Variants in SYTL1 observed in about 807,000 individuals in gnomAD.
SYTL1 encodes synaptotagmin-like protein 1.
SYTL1 carries 53 observed loss-of-function variants against 74.6 expected under a neutral mutation model. That is an observed-to-expected ratio of 0.71 (90% CI 0.57 to 0.89). The LOEUF is 0.89. Among genes scored for constraint, SYTL1 ranks in the 40% least tolerant of loss-of-function variants. SYTL1 has a pLI of 0.00. For synonymous variants in SYTL1, 329 were observed against 324.9 expected (o/e 1.01, Z -0.14); for missense variants, 728 against 768.7 (o/e 0.95, Z 0.63).
rs767757390 is a variant in SYTL1, at chr1:27,350,392, C to T, written c.912C>T (p.Tyr304=). 21 of 1,613,812 alleles carry T rather than the reference C, an allele frequency of 1.3e-5. No homozygotes were observed. The Admixed American group carries it at 3.2e-4, about 24-fold the overall frequency. The change falls in exon 10 of 15, where the codon TAC becomes TAT. Residue 304 remains tyrosine (Y), a synonymous_variant. Coordinates refer to ENST00000616558, the MANE Select transcript of SYTL1 (RefSeq NM_001193308.2). This position sits in a 1 kb window ranked among gnomAD's most constrained non-coding sequence, Gnocchi z 6.3. The part of the protein sequence containing the change: ...AAARRRRSDP[Y]VKSYLLPDKQ... ...CCTCGGGTTCTCACCTCCCCAGCTA[C>T]GTCAAAAGCTACCTCCTCCCGGATA...
intron 6 of SYTL1, 121 bp from the exon 7 acceptor site, chr1:27,349,277 C>A: frequency 6.8e-7 from 1 of 1,475,682 alleles, no homozygotes; most frequent in Non-Finnish European, 9.1e-7. Flanking sequence ...GAGGTGGGGA[C>A]GATCCCAGGG....
Position 27,345,977 on chromosome 1 carries a change from C to T in SYTL1, c.191+452C>T, listed in dbSNP as rs749218166. ...TGTATTTTTAGTAGAGATGGGTTTT[C>T]GCCATGTTGGCCAAGCTGGTCTTGA... is the stretch of plus-strand genomic sequence containing the variant. On this transcript the variant is annotated intron_variant, in intron 2 of 14. Coordinates refer to ENST00000616558, the MANE Select transcript of SYTL1 (RefSeq NM_001193308.2). This position sits in a 1 kb window ranked among gnomAD's most constrained non-coding sequence, Gnocchi z 6.0. Among the ~76,000 whole-genome samples, 10 of 152,136 alleles carry T rather than the reference C, an allele frequency of 6.6e-5. No homozygotes were observed. Among genetic ancestry groups the T allele is most frequent in the South Asian group, 2.1e-4 (1 of 4,822 alleles).
In SYTL1 at chr1:27,353,853, C is replaced by T; in HGVS notation, c.*1C>T. ...AACCAACCTGGCCCCCAGGACGTAG[C>T]CCCACCAAGCCTCTCTCTCTGGACC... On this transcript the variant is annotated 3_prime_UTR_variant, in exon 15 of 15. Coordinates refer to ENST00000616558, the MANE Select transcript of SYTL1 (RefSeq NM_001193308.2). The T allele has an allele frequency of 6.2e-7, 1 of 1,611,600 alleles. No homozygotes were observed. Among genetic ancestry groups the T allele is most frequent in the Non-Finnish European group, 8.5e-7 (1 of 1,178,116 alleles).
rs1016584312 is a variant in SYTL1, at chr1:27,350,921, C to T, written c.1133C>T (p.Ser378Phe). The stretch of plus-strand genomic sequence containing the variant: ...CCCCTGGACACGTGGGACTGGGGCT[C>T]TGAGCCCACCTGGCTCCCCCTGCAG... ...EVPLDTWDWGSEPTWLPLQPR... is the reference protein window; with the variant it reads ...EVPLDTWDWGFEPTWLPLQPR... The change falls in exon 11 of 15, where the codon TCT becomes TTT. Residue 378 changes from serine (S) to phenylalanine (F), a missense_variant. Ser to Phe is a radical substitution (Grantham distance 155, BLOSUM62 -2). Transcript: ENST00000616558. The surrounding 1 kb of genome is among the most constrained non-coding windows in gnomAD (Gnocchi z 6.3). The T allele has an allele frequency of 3.7e-6, 6 of 1,613,304 alleles. No homozygotes were observed. In the African/African-American group the frequency reaches 6.7e-5, roughly 18 times the overall value.
chr1:27,351,062 CA>C lies in SYTL1; in HGVS notation c.1164+112del. On this transcript the variant is annotated intron_variant, in intron 11 of 14. Coordinates refer to ENST00000616558, the MANE Select transcript of SYTL1 (RefSeq NM_001193308.2). The surrounding 1 kb of genome is among the most constrained non-coding windows in gnomAD (Gnocchi z 5.0). ...CCCCGCCTTCGACAGAACCTCCCCT[CA>C]ACCTCTTAACCTCATGGCCCCAGGC... 1 of 1,409,522 alleles carries C rather than the reference CA, an allele frequency of 7.1e-7. No homozygotes were observed. The highest frequency in any genetic ancestry group is 9.7e-7 in the Non-Finnish European group (1 of 1,035,762). The allele number at this position is 1,409,522 out of a possible 1,614,324, so 87.3% of individuals were successfully genotyped here. A position where few individuals can be genotyped will look rare whatever the true frequency, so the allele number is the denominator to read the frequency against.
chr1:27,345,026 G>A lies in SYTL1; in HGVS notation c.-38-271G>A, dbSNP rs1557536955. The A allele has an allele frequency of 1.8e-5, 4 of 228,306 alleles. No homozygotes were observed. The highest frequency in any genetic ancestry group is 3.4e-5 in the Non-Finnish European group (4 of 117,260). The allele number at this position is 228,306 out of a possible 1,614,324, so 14.1% of individuals were successfully genotyped here. On this transcript the variant is annotated intron_variant, in intron 1 of 14. Coordinates refer to ENST00000616558, the MANE Select transcript of SYTL1 (RefSeq NM_001193308.2). This position sits in a 1 kb window ranked among gnomAD's most constrained non-coding sequence, Gnocchi z 6.0. ...TACATGGACCCGCGTGTGCACATGT[G>A]TCTGTGTGTTCCATCGCTGCAGTCC...
In SYTL1 at chr1:27,351,205, C is replaced by G. The variant is rs948686707; in HGVS notation, c.1165-53C>G. ...CATCCGGGTCTGCAGACCCCACCCT[C>G]CTGAGGCCCCTTTCCATTAGCCCCT... is the stretch of plus-strand genomic sequence containing the variant. On this transcript the variant is annotated intron_variant, in intron 11 of 14. Coordinates refer to ENST00000616558, the MANE Select transcript of SYTL1 (RefSeq NM_001193308.2). This position sits in a 1 kb window ranked among gnomAD's most constrained non-coding sequence, Gnocchi z 5.0. 3.2e-6 allele frequency: 5 copies of G among 1,542,014 alleles called. No individual in the cohort carries two copies.
chr1:27,350,092 T>A lies in SYTL1; in HGVS notation c.868T>A (p.Cys290Ser). 2.1e-6 allele frequency: 3 copies of A among 1,432,590 alleles called. No individual in the cohort carries two copies. The highest frequency in any genetic ancestry group is 2.7e-6 in the Non-Finnish European group (3 of 1,099,932). The allele number at this position is 1,432,590 out of a possible 1,614,324, so 88.7% of individuals were successfully genotyped here. A position where few individuals can be genotyped will look rare whatever the true frequency, so the allele number is the denominator to read the frequency against. ...CGAGCTGCGCGTGCACGTGATCCAG[T>A]GCCAGGGCCTGGCCGCCGCCCGGCG... Reference protein sequence around the residue: ...AAELRVHVIQCQGLAAARRRR... With the variant: ...AAELRVHVIQSQGLAAARRRR... The change falls in exon 9 of 15, where the codon TGC becomes AGC. Residue 290 changes from cysteine to serine, a missense_variant. Physicochemically the swap from Cys to Ser is moderately radical, Grantham distance 112. Transcript: ENST00000616558. This position sits in a 1 kb window ranked among gnomAD's most constrained non-coding sequence, Gnocchi z 6.3.
At position 27,342,865 on chromosome 1, in the gene SYTL1, A is replaced by G. The variant is rs2014833376; in HGVS notation, c.-39+715A>G. On this transcript the variant is annotated intron_variant, in intron 1 of 14. Coordinates refer to ENST00000616558, the MANE Select transcript of SYTL1 (RefSeq NM_001193308.2). This position sits in a 1 kb window ranked among gnomAD's most constrained non-coding sequence, Gnocchi z 4.7. ...CAGGGGAGGCCGAACGTGGGCTCAC[A>G]CCCCAATCCACAGGGGAGGCCGAAC... 6.6e-6 allele frequency among the ~76,000 whole-genome samples: 1 copy of G among 151,998 alleles called. No individual in the cohort carries two copies. Among genetic ancestry groups the G allele is most frequent in the South Asian group, 2.1e-4 (1 of 4,816 alleles).
At position 27,345,571 on chromosome 1, in the gene SYTL1, T is replaced by C. The variant is rs1399607328; in HGVS notation, c.191+46T>C. On this transcript the variant is annotated intron_variant, in intron 2 of 14. Transcript: ENST00000616558. This position sits in a 1 kb window ranked among gnomAD's most constrained non-coding sequence, Gnocchi z 6.0. ...GCCGGGGAGCACCAAGAGGCTTGAG[T>C]GGCCCCCATCCTGCTCCCTACCGAC... 1 of 1,375,572 alleles carries C rather than the reference T, an allele frequency of 7.3e-7. No homozygotes were observed. 85.2% of individuals were successfully genotyped at this position (1,375,572 alleles called of 1,614,324 possible).
chr1:27,349,575 C>T, intron 7 of SYTL1, 77 bp downstream of exon 7: 9 of 1,507,964 alleles, frequency 6.0e-6, no homozygotes, highest in Non-Finnish European at 8.0e-6. Context: ...CCCAGGGCTG[C>T]GAGCCGCCCG....
chr1:27,347,727 G>T lies in SYTL1; in HGVS notation c.341-81G>T. 1.3e-6 allele frequency: 2 copies of T among 1,527,430 alleles called. No individual in the cohort carries two copies. The highest frequency in any genetic ancestry group is 1.4e-5 in the African/African-American group (1 of 73,142). The allele number at this position is 1,527,430 out of a possible 1,614,324, so 94.6% of individuals were successfully genotyped here. ...GCCCCTCCGTGGGCATGGGGTGGGT[G>T]GGTATCTCCCAGGGCCTCTCCCGAG... On this transcript the variant is annotated intron_variant, in intron 3 of 14. Coordinates refer to ENST00000616558, the MANE Select transcript of SYTL1 (RefSeq NM_001193308.2). The surrounding 1 kb of genome is among the most constrained non-coding windows in gnomAD (Gnocchi z 4.9).
chr1:27,349,828 T>C (rs2015173391), intron 8 of SYTL1, 63 bp downstream of exon 8: 1 of 1,543,210 alleles, frequency 6.5e-7, no homozygotes, highest in Non-Finnish European at 8.7e-7. Context: ...GCGTAGCCCC[T>C]GCCTGCCCCT....
In SYTL1 at chr1:27,342,162, C is replaced by T. The variant is rs1039314403; in HGVS notation, c.-39+12C>T. 2.4e-5 allele frequency: 4 copies of T among 165,614 alleles called. No homozygotes were observed. The highest frequency in any genetic ancestry group is 1.9e-4 in the East Asian group (1 of 5,232). The allele number at this position is 165,614 out of a possible 1,614,324, so 10.3% of individuals were successfully genotyped here. A position where few individuals can be genotyped will look rare whatever the true frequency, so the allele number is the denominator to read the frequency against. ...CTGGACCCCTACAGGTAACACGTGTCGGTGCCAGGGTCCCCTGCCAGGGTC... is the reference window on the plus strand; with the variant it reads ...CTGGACCCCTACAGGTAACACGTGTTGGTGCCAGGGTCCCCTGCCAGGGTC... On this transcript the variant is annotated intron_variant, in intron 1 of 14. Coordinates refer to ENST00000616558, the MANE Select transcript of SYTL1 (RefSeq NM_001193308.2). The surrounding 1 kb of genome is among the most constrained non-coding windows in gnomAD (Gnocchi z 4.7).
Position 27,348,733 on chromosome 1 carries a change from A to T in SYTL1, c.460-347A>T, listed in dbSNP as rs12089908. The stretch of plus-strand genomic sequence containing the variant: ...AATTAAAAATAATAAGAATAAATTT[A>T]AAAAAAGAAAAAAGGTTGTCTACCA... On this transcript the variant is annotated intron_variant, in intron 5 of 14. Transcript: ENST00000616558. The surrounding 1 kb of genome is among the most constrained non-coding windows in gnomAD (Gnocchi z 4.1). Among the ~76,000 whole-genome samples, 896 of 152,270 alleles carry T rather than the reference A, an allele frequency of 5.9e-3. 16 individuals are homozygous for T. The highest frequency in any genetic ancestry group is 0.02 in the African/African-American group (836 of 41,534).
intron 1 of SYTL1, among the ~76,000 whole-genome samples, chr1:27,344,574 G>A (rs1326222889): frequency 1.3e-5 from 2 of 148,822 alleles, no homozygotes; most frequent in Non-Finnish European, 3.0e-5. Context: ...GTGTAGGGCC[G>A]GGCGTGGTGG....
In SYTL1 at chr1:27,348,531, A is replaced by C. The variant is rs1177406210; in HGVS notation, c.459+519A>C. ...AAGACCAGCCTGACTAACATGGAGA[A>C]ACCCCATCTCTACTAAAAATACAAA... On this transcript the variant is annotated intron_variant, in intron 5 of 14. Transcript: ENST00000616558. This position sits in a 1 kb window ranked among gnomAD's most constrained non-coding sequence, Gnocchi z 4.1. Among the ~76,000 whole-genome samples, 1 of 152,108 alleles carries C rather than the reference A, an allele frequency of 6.6e-6. No homozygotes were observed. Among genetic ancestry groups the C allele is most frequent in the Non-Finnish European group, 1.5e-5 (1 of 68,020 alleles).
Position 27,351,048 on chromosome 1 carries a change from A to G in SYTL1, c.1164+96A>G. The G allele has an allele frequency of 6.8e-7, 1 of 1,462,458 alleles. No individual in the cohort carries two copies. Among genetic ancestry groups the G allele is most frequent in the South Asian group, 1.2e-5 (1 of 82,036 alleles). The allele number at this position is 1,462,458 out of a possible 1,614,324, so 90.6% of individuals were successfully genotyped here. ...GCAGCCCCCTCACACCCCGCCTTCG[A>G]CAGAACCTCCCCTCAACCTCTTAAC... is the stretch of plus-strand genomic sequence containing the variant. On this transcript the variant is annotated intron_variant, in intron 11 of 14. Coordinates refer to ENST00000616558, the MANE Select transcript of SYTL1 (RefSeq NM_001193308.2). The surrounding 1 kb of genome is among the most constrained non-coding windows in gnomAD (Gnocchi z 5.0).
At chr1:27,349,601 G>T (rs770483738) in intron 7 of SYTL1, 51 bp from the exon 8 acceptor site, 9 of 1,545,016 alleles carry the variant, frequency 5.8e-6, no homozygotes, top group Middle Eastern at 1.7e-4. Flanking sequence ...CAGGGCGCTC[G>T]GGGCAGGGGT....
Sources: gnomAD v4.1 joint callset for allele counts (sites outside exome capture counted in the v4.1 genomes callset) on GRCh38, gnomAD v4.1.1 for gene constraint, Gnocchi (gnomAD v3.1) non-coding constraint, MANE v1.5 for transcripts, NCBI Gene and HGNC (gene_info 2026-07-23, HGNC 2026-07-21) for gene names.